The following RIF1 variants were observed in gnomAD, a reference collection of about 807,000 sequenced individuals.
RIF1 encodes the protein telomere-associated protein RIF1.
RIF1 carries 45 observed loss-of-function variants against 247.1 expected under a neutral mutation model. The observed-to-expected ratio is 0.18, with a 90% CI of 0.14 to 0.23. The LOEUF is 0.23. Among genes scored for constraint, RIF1 ranks in the 10% least tolerant of loss-of-function variants. The pLI is 1.00. For missense variants in RIF1, 2,967 were observed against 2,862.5 expected (o/e 1.04, Z -0.83); for synonymous variants, 1,087 against 978.8 (o/e 1.11, Z -2.06).
At chr2:151,519,681 C>G in the RIF1 span, 1 of 1,611,464 alleles carries the variant, frequency 6.2e-7, no homozygotes, top group Non-Finnish European at 8.5e-7. Context: ...TTATTAGCAT[C>G]TTTCATGACT....
At chr2:151,449,452 T>G (rs1216527515) in intron 20 of RIF1, among the ~76,000 whole-genome samples, 2 of 152,272 alleles carry the variant, frequency 1.3e-5, no homozygotes, top group East Asian at 3.9e-4. Context: ...TTTCTTTCTT[T>G]TCTTTCTTTC....
At chr2:151,419,412 G>A (rs1191373208) in intron 6 of RIF1, among the ~76,000 whole-genome samples, 8 of 151,802 alleles carry the variant, frequency 5.3e-5, no homozygotes, top group Non-Finnish European at 1.0e-4. Flanking sequence ...TGCAACCTCC[G>A]CCTCCCGGGT....
chr2:151,455,486 T>C (rs1695035578), intron 22 of RIF1, among the ~76,000 whole-genome samples: 1 of 152,228 alleles, frequency 6.6e-6, no homozygotes, highest in South Asian at 2.1e-4. Flanking sequence ...ATTAATTATA[T>C]GGTATGCACT....
chr2:151,437,342 G>C lies in RIF1; in HGVS notation c.1474G>C (p.Asp492His), dbSNP rs2152343578. 1.2e-6 allele frequency: 2 copies of C among 1,607,248 alleles called. No homozygotes were observed. The highest frequency in any genetic ancestry group is 4.5e-5 in the East Asian group (2 of 44,830). Residue 492 changes from aspartate (D) to histidine (H), a missense_variant, in exon 13 of 36, where the codon GAT becomes CAT. By Grantham distance (81) the Asp-to-His change is moderately conservative. Transcript: ENST00000444746. ...VHDSFVAVGKDAPDVVVSAIW... is the reference protein window; with the variant it reads ...VHDSFVAVGKHAPDVVVSAIW... The stretch of plus-strand genomic sequence containing the variant: ...TGATAGCTTTGTTGCAGTTGGAAAA[G>C]ATGCCCCCGGTAAGAGAATTTGATT...
chr2:151,466,833 G>T (rs144202506), intron 30 of RIF1, among the ~76,000 whole-genome samples: 78 of 152,332 alleles, frequency 5.1e-4, no homozygotes, highest in African/African-American at 1.9e-3. Flanking sequence ...TTTTGAACTT[G>T]AACCTGCTAT....
Position 151,506,972 on chromosome 2 carries a change from A to G in RIF1, c.*1027+597A>G. The stretch of plus-strand genomic sequence containing the variant: ...TTTCTGGCGTGTCTTGAACAACTGT[A>G]ATTTTTCCTTTACTGTTTTTAAGGT... On this transcript the variant is annotated intron_variant and NMD_transcript_variant, in intron 13 of 13. Transcript: ENST00000454583. The G allele has an allele frequency of 6.2e-7, 1 of 1,611,234 alleles. No homozygotes were observed. The highest frequency in any genetic ancestry group is 8.5e-7 in the Non-Finnish European group (1 of 1,178,196).
chr2:151,432,476 AAATG>A (rs1161215191), intron 9 of RIF1, among the ~76,000 whole-genome samples: 1 of 152,218 alleles, frequency 6.6e-6, no homozygotes, highest in South Asian at 2.1e-4. Flanking sequence ...TCCTGAATCT[AAATG>A]AATCTATTTA....
the RIF1 span, chr2:151,530,675 T>G: frequency 8.8e-6 from 2 of 226,014 alleles, no homozygotes; most frequent in African/African-American, 2.2e-5. Context: ...AGAGGCCACA[T>G]GAAGGGGTTC....
At chr2:151,413,472 C>T (rs1686642141) in intron 3 of RIF1, among the ~76,000 whole-genome samples, 1 of 152,108 alleles carries the variant, frequency 6.6e-6, no homozygotes, top group Non-Finnish European at 1.5e-5. Flanking sequence ...AGGAACCATA[C>T]CAGGTAAAAT....
At chr2:151,509,651 C>G (rs776851201), downstream of RIF1, among the ~76,000 whole-genome samples, 1 of 151,904 alleles carries the variant, frequency 6.6e-6, no homozygotes, top group African/African-American at 2.4e-5. Context: ...TTTTTTGAGG[C>G]GGAGTTTCGC....
chr2:151,527,071 G>A, the RIF1 span: 1 of 1,264,552 alleles, frequency 7.9e-7, no homozygotes, highest in Non-Finnish European at 1.1e-6. Flanking sequence ...CAGCACAGGA[G>A]GAAGCTGGGC....
At chr2:151,456,528 C>T in intron 22 of RIF1, 50 bp from the exon 23 acceptor site, 1 of 936,648 alleles carries the variant, frequency 1.1e-6, no homozygotes, top group Non-Finnish European at 1.7e-6. Flanking sequence ...ATAGATAGTA[C>T]AGTGTTAACT....
rs758615147 is a variant in RIF1, at chr2:151,464,797, T to A, written c.5277T>A (p.Ile1759=). The change falls in exon 30 of 36, where the codon ATT becomes ATA. Residue 1759 remains isoleucine (I), a synonymous_variant. Transcript: ENST00000444746. The part of the protein sequence containing the change: ...LKNTENNDVE[I]SETKKADVQA... The stretch of plus-strand genomic sequence containing the variant: ...ATACAGAAAATAATGACGTAGAGAT[T>A]AGTGAAACAAAAAAGGCAGATGTGC... 3.1e-6 allele frequency: 5 copies of A among 1,613,778 alleles called. No homozygotes were observed. Among genetic ancestry groups the A allele is most frequent in the Non-Finnish European group, 4.2e-6 (5 of 1,179,882 alleles).
chr2:151,529,156 C>T, the RIF1 span: 1 of 1,204,894 alleles, frequency 8.3e-7, no homozygotes, highest in Non-Finnish European at 1.2e-6. Context: ...GGCCATGTGT[C>T]CTACAGAAGC....
At chr2:151,524,174 T>C in the RIF1 span, 5 of 719,658 alleles carry the variant, frequency 6.9e-6, no homozygotes. Context: ...AGTGCACTTT[T>C]TATAACTCTT....
At chr2:151,486,249 A>T (rs778492964), downstream of RIF1, 2 of 251,662 alleles carry the variant, frequency 7.9e-6, no homozygotes, top group Non-Finnish European at 1.5e-5. Context: ...ACACAAAAGG[A>T]TGCTCAAAAT....
At chr2:151,507,971 T>G in exon 14 of RIF1, 1 of 1,495,882 alleles carries the variant, frequency 6.7e-7, no homozygotes, top group South Asian at 1.2e-5. Flanking sequence ...CCTAGGTGCC[T>G]GTGGGCTGTG....
chr2:151,444,038 A>G (rs1692811991), intron 18 of RIF1, among the ~76,000 whole-genome samples: 1 of 152,236 alleles, frequency 6.6e-6, no homozygotes, highest in Non-Finnish European at 1.5e-5. Flanking sequence ...ACTAGGCTAT[A>G]TATTCCCATA....
At chr2:151,529,159 A>G in the RIF1 span, 1 of 1,256,624 alleles carries the variant, frequency 8.0e-7, no homozygotes, top group Admixed American at 1.7e-5. Flanking sequence ...CATGTGTCCT[A>G]CAGAAGCTGG....
Sources: gnomAD v4.1 joint callset for allele counts (sites outside exome capture counted in the v4.1 genomes callset) on GRCh38, gnomAD v4.1.1 for gene constraint, MANE v1.5 for transcripts, NCBI Gene and HGNC (gene_info 2026-07-23, HGNC 2026-07-21) for gene names.